Variants in SOD2 observed in about 807,000 individuals in gnomAD.
SOD2 encodes the protein superoxide dismutase [Mn], mitochondrial.
A neutral mutation model predicts 27.0 loss-of-function variants in SOD2; 11 were observed. That is an observed-to-expected ratio of 0.41 (90% CI 0.26 to 0.67). The LOEUF is 0.67. Among genes scored for constraint, SOD2 ranks in the 30% least tolerant of loss-of-function variants. The pLI is 0.34. For synonymous variants in SOD2, 105 were observed against 103.0 expected (o/e 1.02, Z -0.12); for missense variants, 250 against 274.5 (o/e 0.91, Z 0.63).
intron 1 of SOD2, among the ~76,000 whole-genome samples, chr6:159,752,442 T>C (rs549101117): frequency 6.6e-6 from 1 of 152,328 alleles, no homozygotes; most frequent in South Asian, 2.1e-4. Flanking sequence ...TAAAATTTTA[T>C]TGGGAAACAT....
intron 1 of SOD2, among the ~76,000 whole-genome samples, chr6:159,711,604 T>TCCATAACCACCACTCAGCTGCTCTGATCA (rs1562437347): frequency 1.7e-5 from 1 of 59,682 alleles, no homozygotes; most frequent in African/African-American, 7.1e-5. Context: ...CATAACCACC[T>TCCATAACCACCACTCAGCTGCTCTGATCA]CCATAACCAC....
intron 1 of SOD2, among the ~76,000 whole-genome samples, chr6:159,698,703 A>G (rs866228169): frequency 6.6e-6 from 1 of 152,056 alleles, no homozygotes; most frequent in Non-Finnish European, 1.5e-5. Context: ...GACCGGCAAT[A>G]ACATAAAGTT....
At chr6:159,740,040 G>A (rs80112645) in intron 1 of SOD2, among the ~76,000 whole-genome samples, 2,853 of 151,866 alleles carry the variant, frequency 0.019, 104 homozygotes, top group African/African-American at 0.065. Flanking sequence ...TATAATAGAG[G>A]TGAGGTGCTG....
intron 1 of SOD2, among the ~76,000 whole-genome samples, chr6:159,744,834 C>T (rs566352609): frequency 3.3e-5 from 5 of 152,286 alleles, no homozygotes; most frequent in African/African-American, 1.2e-4. Flanking sequence ...TGTGCGCCAC[C>T]AAGCGCAGCT....
At chr6:159,686,641 T>A (rs1780199663) in intron 3 of SOD2, among the ~76,000 whole-genome samples, 2 of 151,926 alleles carry the variant, frequency 1.3e-5, no homozygotes, top group Admixed American at 1.3e-4. Context: ...AGAGCTAAAC[T>A]CCATCTCCAA....
intron 1 of SOD2, among the ~76,000 whole-genome samples, chr6:159,705,792 A>C (rs1583032561): frequency 8.0e-5 from 12 of 150,134 alleles, no homozygotes; most frequent in South Asian, 4.2e-4. Flanking sequence ...CCTCAAGAAG[A>C]GCAACTCCAA....
At chr6:159,698,333 G>C (rs938962081) in intron 1 of SOD2, among the ~76,000 whole-genome samples, 4 of 151,164 alleles carry the variant, frequency 2.6e-5, no homozygotes, top group African/African-American at 9.7e-5. Context: ...CCCAGGAGGT[G>C]GAGACTGCAG....
chr6:159,702,168 C>T (rs2114808338), intron 1 of SOD2, among the ~76,000 whole-genome samples: 1 of 152,286 alleles, frequency 6.6e-6, no homozygotes, highest in Admixed American at 6.5e-5. Context: ...TGCCTTTATG[C>T]TGCTACGCAT....
intron 1 of SOD2, among the ~76,000 whole-genome samples, chr6:159,735,625 T>C (rs1343662391): frequency 6.6e-6 from 1 of 152,116 alleles, no homozygotes. Context: ...GGCACGCACC[T>C]GTAGTCCCAG....
At chr6:159,745,017 C>T (rs1329283330) in intron 1 of SOD2, 1 of 152,144 alleles carries the variant, frequency 6.6e-6, no homozygotes, top group Non-Finnish European at 1.5e-5. Context: ...CACATTTTGT[C>T]CTTTTGTTTC....
chr6:159,721,646 G>T (rs1019161209), intron 1 of SOD2, among the ~76,000 whole-genome samples: 25 of 150,198 alleles, frequency 1.7e-4, no homozygotes, highest in African/African-American at 5.4e-4. Flanking sequence ...GGGATTACAG[G>T]ATTACAGGCA....
At chr6:159,760,784 T>C (rs1468281755) in intron 1 of SOD2, 1 of 151,656 alleles carries the variant, frequency 6.6e-6, no homozygotes, top group Admixed American at 6.6e-5. Context: ...GGCCAGGGAG[T>C]AAGGGGAAAA....
At chr6:159,692,335 A>T in intron 2 of SOD2, 2 of 1,079,046 alleles carry the variant, frequency 1.9e-6, no homozygotes, top group Non-Finnish European at 1.2e-6. Context: ...AACGAGTGAC[A>T]CAGTAGAGCT....
At chr6:159,691,196 G>A (rs1235654482) in intron 2 of SOD2, 2 of 152,158 alleles carry the variant, frequency 1.3e-5, no homozygotes, top group Non-Finnish European at 2.9e-5. Flanking sequence ...TGAAGAGAAA[G>A]GTTCCTGGTG....
intron 1 of SOD2, among the ~76,000 whole-genome samples, chr6:159,744,130 T>G (rs189316712): frequency 4.6e-5 from 7 of 152,368 alleles, no homozygotes; most frequent in African/African-American, 1.4e-4. Context: ...TTTCACTGAT[T>G]AGGAAAGCCA....
intron 1 of SOD2, among the ~76,000 whole-genome samples, chr6:159,719,424 C>T (rs1777986647): frequency 6.6e-6 from 1 of 151,928 alleles, no homozygotes. Flanking sequence ...GCTACTCAGG[C>T]TGCTGAGGTG....
intron 1 of SOD2, among the ~76,000 whole-genome samples, chr6:159,741,197 A>G (rs545154283): frequency 6.4e-4 from 97 of 152,140 alleles, no homozygotes; most frequent in African/African-American, 2.1e-3. Context: ...CTTTATTGCT[A>G]AGAGGACCTA....
chr6:159,694,241 G>A (rs1201077007), upstream of SOD2, among the ~76,000 whole-genome samples: 3 of 152,208 alleles, frequency 2.0e-5, no homozygotes, highest in Non-Finnish European at 4.4e-5. Context: ...TCTCTCAACA[G>A]TTAAACAACA....
chr6:159,743,582 G>T, intron 1 of SOD2: 5 of 1,291,770 alleles, frequency 3.9e-6, no homozygotes, highest in Non-Finnish European at 5.2e-6. Context: ...TTAATTTTTT[G>T]ACCCTAGTTC....
Sources: allele counts gnomAD v4.1 joint callset (sites outside exome capture counted in the v4.1 genomes callset), GRCh38; gene constraint gnomAD v4.1.1; transcripts MANE v1.5; gene names NCBI Gene and HGNC (gene_info 2026-07-23, HGNC 2026-07-21).